The following POMGNT2 variants were observed in gnomAD, a reference collection of about 807,000 sequenced individuals.
POMGNT2 encodes the protein protein O-linked-mannose beta-1,4-N-acetylglucosaminyltransferase 2.
POMGNT2 carries 32 observed loss-of-function variants against 37.8 expected under a neutral mutation model. The observed-to-expected ratio is 0.85, with a 90% confidence interval of 0.64 to 1.14. The LOEUF is 1.14. POMGNT2 is among the 50% of genes most tolerant of loss of function. The pLI, the probability that POMGNT2 is intolerant of heterozygous loss-of-function variation, is 0.00. For missense variants in POMGNT2, 705 were observed against 780.6 expected (o/e 0.90, Z 1.15); for synonymous variants, 340 against 336.8 (o/e 1.01, Z -0.10).
At chr3:43,091,457 T>C (rs2089942308) in intron 1 of POMGNT2, among the ~76,000 whole-genome samples, 1 of 152,212 alleles carries the variant, frequency 6.6e-6, no homozygotes, top group Admixed American at 6.5e-5. Context: ...AGGACAGCTC[T>C]TCCTTAGAGA....
intron 1 of POMGNT2, among the ~76,000 whole-genome samples, chr3:43,097,876 G>A (rs778815186): frequency 2.6e-5 from 4 of 152,172 alleles, no homozygotes; most frequent in Admixed American, 6.5e-5. Context: ...AGTTAAAAAC[G>A]GATGCTCATT....
Position 43,080,816 on chromosome 3 carries a change from A to G in POMGNT2, c.616T>C (p.Tyr206His), listed in dbSNP as rs2089845200. ...GGCTGCTTGGGGCTGAGCAGCTTGT[A>G]GAGGTCGAAGTGTGCACCCTCGCCC... Reference protein sequence around the residue: ...GWGEGAHFDLYKLLSPKQPLL... With the variant: ...GWGEGAHFDLHKLLSPKQPLL... The change falls in exon 2 of 2, where the codon TAC (tyrosine) becomes CAC (histidine). Residue 206 changes from tyrosine (Y) to histidine (H), a missense_variant. By Grantham distance (83) the Tyr-to-His change is moderately conservative. Coordinates refer to ENST00000344697, the MANE Select transcript of POMGNT2 (RefSeq NM_032806.6). 1 of 1,614,034 alleles carries G rather than the reference A, an allele frequency of 6.2e-7. No homozygotes were observed. Among genetic ancestry groups the G allele is most frequent in the Non-Finnish European group, 8.5e-7 (1 of 1,179,990 alleles).
chr3:43,088,612 C>A (rs559191731), intron 1 of POMGNT2, among the ~76,000 whole-genome samples: 1 of 152,324 alleles, frequency 6.6e-6, no homozygotes, highest in Admixed American at 6.5e-5. Context: ...ACTGGCCCAG[C>A]CGTGGCAAAG....
chr3:43,086,231 T>C (rs969372963), intron 1 of POMGNT2, among the ~76,000 whole-genome samples: 7 of 152,206 alleles, frequency 4.6e-5, no homozygotes, highest in Non-Finnish European at 1.0e-4. Context: ...GTTTAAAAGC[T>C]TGGAAATGTT....
At chr3:43,104,472 C>A (rs149611260) in intron 1 of POMGNT2, among the ~76,000 whole-genome samples, 105 of 152,336 alleles carry the variant, frequency 6.9e-4, no homozygotes, top group African/African-American at 2.3e-3. Flanking sequence ...GTGGGCCCAG[C>A]CACCAGCACC....
chr3:43,089,968 C>T (rs1231405475), intron 1 of POMGNT2, among the ~76,000 whole-genome samples: 1 of 152,062 alleles, frequency 6.6e-6, no homozygotes, highest in Non-Finnish European at 1.5e-5. Flanking sequence ...CTGGGCCAGC[C>T]ACAGGTGAGA....
intron 1 of POMGNT2, among the ~76,000 whole-genome samples, chr3:43,083,750 A>G (rs953495641): frequency 6.6e-6 from 1 of 152,206 alleles, no homozygotes; most frequent in Non-Finnish European, 1.5e-5. Flanking sequence ...TCAACTGTCA[A>G]GTATGATTTC....
At chr3:43,096,139 G>A (rs1223738193) in intron 1 of POMGNT2, among the ~76,000 whole-genome samples, 1 of 152,138 alleles carries the variant, frequency 6.6e-6, no homozygotes, top group African/African-American at 2.4e-5. Flanking sequence ...AGGAAAAGCT[G>A]CCTCTTCCTA....
Position 43,081,452 on chromosome 3 carries a change from C to T in POMGNT2, c.-21G>A. 1 of 1,512,970 alleles carries T rather than the reference C, an allele frequency of 6.6e-7. No individual in the cohort carries two copies. 93.7% of individuals were successfully genotyped at this position (1,512,970 alleles called of 1,614,324 possible). A position where few individuals can be genotyped will look rare whatever the true frequency, so the allele number is the denominator to read the frequency against. ...TGCATCCTAATGCCACTGTGGGGCC[C>T]TAATGAGATGACGGCCACTGGGAAG... is the stretch of plus-strand genomic sequence containing the variant. On this transcript the variant is annotated 5_prime_UTR_variant, in exon 2 of 2. An upstream open reading frame in the 5' UTR loses its in-frame stop. Transcript: ENST00000344697.
In POMGNT2 at chr3:43,080,188, G is replaced by A. The variant is rs1303370268; in HGVS notation, c.1244C>T (p.Thr415Ile). The stretch of plus-strand genomic sequence containing the variant: ...GGCTTGCTCAGCCCGGTCCAGATGG[G>A]TGATGCCCCCCTGATCCCAGGGCCG... ...PERPWDQGGI[T>I]HLDRAEQARI... The change falls in exon 2 of 2, where the codon ACC becomes ATC. Residue 415 changes from threonine to isoleucine, a missense_variant. Transcript: ENST00000344697. 3 of 1,614,006 alleles carry A rather than the reference G, an allele frequency of 1.9e-6. No individual in the cohort carries two copies. The highest frequency in any genetic ancestry group is 1.7e-5 in the Admixed American group (1 of 60,032).
At chr3:43,101,325 G>C (rs1003205706) in intron 1 of POMGNT2, among the ~76,000 whole-genome samples, 1 of 152,192 alleles carries the variant, frequency 6.6e-6, no homozygotes, top group African/African-American at 2.4e-5. Context: ...CTAAAGACTA[G>C]AGCTGTTTGA....
chr3:43,096,371 C>A (rs2089980042), intron 1 of POMGNT2, among the ~76,000 whole-genome samples: 1 of 152,190 alleles, frequency 6.6e-6, no homozygotes, highest in Non-Finnish European at 1.5e-5. Context: ...ATGTTCCAGG[C>A]AGTATACTGA....
chr3:43,082,872 A>G (rs2089867541), intron 1 of POMGNT2, among the ~76,000 whole-genome samples: 1 of 152,220 alleles, frequency 6.6e-6, no homozygotes, highest in Non-Finnish European at 1.5e-5. Flanking sequence ...TATCCCATGA[A>G]ACACGTGTAG....
intron 1 of POMGNT2, chr3:43,087,686 A>G (rs776849076): frequency 6.6e-5 from 10 of 152,346 alleles, no homozygotes; most frequent in Non-Finnish European, 1.2e-4. Context: ...AACTCCATAC[A>G]TTAGTTTGAC....
intron 1 of POMGNT2, among the ~76,000 whole-genome samples, chr3:43,084,575 G>A (rs2089880913): frequency 6.6e-6 from 1 of 151,912 alleles, no homozygotes; most frequent in Admixed American, 6.6e-5. Flanking sequence ...AACCCAGGAG[G>A]TGGAGCTTGC....
chr3:43,083,719 C>T (rs996363215), intron 1 of POMGNT2, among the ~76,000 whole-genome samples: 2 of 152,204 alleles, frequency 1.3e-5, no homozygotes, highest in Admixed American at 6.5e-5. Flanking sequence ...ATGAGACCCA[C>T]ATCAGACAGT....
At chr3:43,095,222 GT>G (rs1559419481) in intron 1 of POMGNT2, among the ~76,000 whole-genome samples, 1 of 152,158 alleles carries the variant, frequency 6.6e-6, no homozygotes, top group Non-Finnish European at 1.5e-5. Context: ...CCATGAGGAG[GT>G]GAGAGGTGGC....
intron 1 of POMGNT2, among the ~76,000 whole-genome samples, chr3:43,087,175 T>C (rs543081116): frequency 1.3e-5 from 2 of 152,314 alleles, no homozygotes; most frequent in South Asian, 2.1e-4. Flanking sequence ...ACCTCAATCT[T>C]AGACTTCTGG....
At chr3:43,097,367 C>T (rs1041317444) in intron 1 of POMGNT2, among the ~76,000 whole-genome samples, 3 of 152,100 alleles carry the variant, frequency 2.0e-5, no homozygotes, top group Non-Finnish European at 4.4e-5. Flanking sequence ...TAACAGAATA[C>T]CAGACTGAGT....
Sources: allele counts gnomAD v4.1 joint callset (sites outside exome capture counted in the v4.1 genomes callset), GRCh38; gene constraint gnomAD v4.1.1; transcripts MANE v1.5; gene names NCBI Gene and HGNC (gene_info 2026-07-23, HGNC 2026-07-21).